Variants in ERC2 observed in about 807,000 individuals in gnomAD.
ERC2 encodes the protein ERC protein 2.
In ERC2, 42 loss-of-function variants were observed where a neutral mutation model predicts 114.8. The ratio of observed to expected loss-of-function variants is 0.37; its 90% CI spans 0.29 to 0.47. The LOEUF is 0.47. Among genes scored for constraint, ERC2 ranks in the 20% least tolerant of loss-of-function variants. The pLI is 0.99. For missense variants in ERC2, 939 were observed against 1,150.7 expected (o/e 0.82, Z 2.66); for synonymous variants, 454 against 425.5 (o/e 1.07, Z -0.82).
chr3:55,588,719 A>G (rs1407274547), intron 17 of ERC2, among the ~76,000 whole-genome samples: 2 of 152,134 alleles, frequency 1.3e-5, no homozygotes, highest in Admixed American at 6.5e-5. Flanking sequence ...AGCACATCAC[A>G]AAAGTGGGGC....
In ERC2 at chr3:55,720,209, T is replaced by C. The variant is rs71617286; in HGVS notation, c.2712+14562A>G. Among the ~76,000 whole-genome samples, 10 of 18,726 alleles carry C rather than the reference T, an allele frequency of 5.3e-4. 4 individuals are homozygous for C. The highest frequency in any genetic ancestry group is 1.3e-3 in the Admixed American group (2 of 1,498). 12.3% of individuals were successfully genotyped at this position (18,726 alleles called of 152,430 possible). A position where few individuals can be genotyped will look rare whatever the true frequency, so the allele number is the denominator to read the frequency against. ...CTTCTTCTTCTTCTTCTTCTTCTTC[T>C]TCTTCTTCTTCTTCTTCTTCTTCTT... On this transcript the variant is annotated intron_variant, in intron 15 of 17. Transcript: ENST00000288221.
chr3:55,706,479 C>T (rs956741834), intron 15 of ERC2, among the ~76,000 whole-genome samples: 4 of 152,130 alleles, frequency 2.6e-5, no homozygotes, highest in African/African-American at 9.7e-5. Flanking sequence ...TCACTGTAAC[C>T]TCTACTTCCC....
intron 14 of ERC2, among the ~76,000 whole-genome samples, chr3:55,840,492 T>A (rs1285151741): frequency 6.6e-6 from 1 of 151,652 alleles, no homozygotes; most frequent in African/African-American, 2.4e-5. Flanking sequence ...AAGTGTTGGT[T>A]AAGATTTGAA....
chr3:56,068,042 TG>T (rs1162523592), intron 7 of ERC2, among the ~76,000 whole-genome samples: 1 of 152,222 alleles, frequency 6.6e-6, no homozygotes, highest in Non-Finnish European at 1.5e-5. Flanking sequence ...ATCAGGATGA[TG>T]CTGGCCTCAT....
intron 2 of ERC2, among the ~76,000 whole-genome samples, chr3:56,422,893 T>C (rs1412067833): frequency 6.6e-6 from 1 of 152,210 alleles, no homozygotes; most frequent in Non-Finnish European, 1.5e-5. Flanking sequence ...TCTTGGCACA[T>C]AGAAGGTGCT....
chr3:56,221,190 C>T (rs1464862346), intron 3 of ERC2, among the ~76,000 whole-genome samples: 2 of 151,826 alleles, frequency 1.3e-5, no homozygotes, highest in East Asian at 1.9e-4. Context: ...TAGATTTTTA[C>T]AGCTATTACT....
intron 16 of ERC2, among the ~76,000 whole-genome samples, chr3:55,699,030 C>T (rs1258828396): frequency 6.6e-6 from 1 of 152,110 alleles, no homozygotes; most frequent in Non-Finnish European, 1.5e-5. Context: ...CTCTGGTTGC[C>T]AAGCTCATGG....
intron 3 of ERC2, among the ~76,000 whole-genome samples, chr3:56,178,196 A>G (rs1000027136): frequency 6.6e-6 from 1 of 152,222 alleles, no homozygotes; most frequent in African/African-American, 2.4e-5. Flanking sequence ...TGAACCTGTC[A>G]GAATAATGTT....
At chr3:55,887,163 C>T (rs1049414360) in intron 14 of ERC2, among the ~76,000 whole-genome samples, 24 of 152,190 alleles carry the variant, frequency 1.6e-4, no homozygotes, top group African/African-American at 4.6e-4. Context: ...TTATGAATCT[C>T]TCTGAGTCTC....
At chr3:56,433,373 G>C (rs2061880238) in intron 2 of ERC2, among the ~76,000 whole-genome samples, 1 of 152,234 alleles carries the variant, frequency 6.6e-6, no homozygotes, top group Non-Finnish European at 1.5e-5. Flanking sequence ...ATTTGGAAAT[G>C]AAGACTGGCT....
At chr3:56,299,448 T>G (rs2055712103) in intron 2 of ERC2, among the ~76,000 whole-genome samples, 1 of 149,614 alleles carries the variant, frequency 6.7e-6, no homozygotes, top group Non-Finnish European at 1.5e-5. Flanking sequence ...TTTTTTTTTT[T>G]GAGACAGAGT....
intron 17 of ERC2, among the ~76,000 whole-genome samples, chr3:55,640,878 C>G (rs1295554939): frequency 2.0e-5 from 3 of 152,204 alleles, no homozygotes; most frequent in Admixed American, 6.5e-5. Context: ...TGGGGACTCA[C>G]ACTTCTCTCA....
At chr3:56,384,712 A>G (rs190834705) in intron 2 of ERC2, among the ~76,000 whole-genome samples, 2 of 152,244 alleles carry the variant, frequency 1.3e-5, no homozygotes, top group African/African-American at 4.8e-5. Flanking sequence ...ATGTAGTTCA[A>G]TTTAACTATT....
chr3:56,444,128 A>AC (rs1418414142), intron 1 of ERC2, among the ~76,000 whole-genome samples: 2 of 134,842 alleles, frequency 1.5e-5, no homozygotes, highest in East Asian at 4.2e-4. Flanking sequence ...CACCTGGCTA[A>AC]TTTTTTTTTT....
At chr3:55,576,265 C>T (rs1022800967) in intron 17 of ERC2, among the ~76,000 whole-genome samples, 5 of 151,284 alleles carry the variant, frequency 3.3e-5, no homozygotes, top group South Asian at 2.1e-4. Flanking sequence ...GCTGAGATCA[C>T]GCCATTGCAC....
chr3:55,781,842 C>T (rs1353596086), intron 14 of ERC2, among the ~76,000 whole-genome samples: 2 of 149,660 alleles, frequency 1.3e-5, no homozygotes, highest in Admixed American at 6.6e-5. Flanking sequence ...ACTACACTCC[C>T]GCCGGGGCAA....
intron 8 of ERC2, among the ~76,000 whole-genome samples, chr3:56,016,218 C>T (rs907611249): frequency 6.6e-6 from 1 of 152,042 alleles, no homozygotes; most frequent in Non-Finnish European, 1.5e-5. Flanking sequence ...TAATTAGATC[C>T]TATCTGTCAA....
rs538004258 is a variant in ERC2 at position 55,577,775 on chromosome 3, G to C, written c.*40-66499C>G. 7.9e-5 allele frequency among the ~76,000 whole-genome samples: 12 copies of C among 152,260 alleles called. No individual in the cohort carries two copies. The Middle Eastern group carries it at 0.01, about 129-fold the overall frequency. Reference sequence around the variant, plus strand: ...CCCTAATAACAAAGACTAGGTCCTAGAGGGCTTCATGTAACCTCCATGTTC... The same window carrying C: ...CCCTAATAACAAAGACTAGGTCCTACAGGGCTTCATGTAACCTCCATGTTC... On this transcript the variant is annotated intron_variant, in intron 17 of 17. Transcript: ENST00000288221.
At chr3:55,789,111 C>T (rs2069767160) in intron 14 of ERC2, among the ~76,000 whole-genome samples, 1 of 152,200 alleles carries the variant, frequency 6.6e-6, no homozygotes, top group South Asian at 2.1e-4. Flanking sequence ...AGTTCATGCT[C>T]ATTGTTCTAG....
Sources: gnomAD v4.1 joint callset for allele counts (sites outside exome capture counted in the v4.1 genomes callset) on GRCh38, gnomAD v4.1.1 for gene constraint, MANE v1.5 for transcripts, NCBI Gene and HGNC (gene_info 2026-07-23, HGNC 2026-07-21) for gene names.